The following KAT7 variants were observed in gnomAD, a reference collection of about 807,000 sequenced individuals.
The protein encoded by KAT7 is lysine acetyltransferase 7.
KAT7 carries 10 observed loss-of-function variants against 82.1 expected under a neutral mutation model. The ratio of observed to expected loss-of-function variants is 0.12; its 90% CI spans 0.08 to 0.21. The LOEUF (loss-of-function observed/expected upper bound fraction) is 0.21. Ranked by LOEUF, KAT7 falls within the 10% of genes least tolerant of loss-of-function variation. The pLI is 1.00. For missense variants in KAT7, 378 were observed against 760.9 expected (o/e 0.50, Z 5.92); for synonymous variants, 250 against 262.5 (o/e 0.95, Z 0.46).
intron 11 of KAT7, 77 bp from the exon 12 acceptor site, chr17:49,823,125 T>C (rs900521286): frequency 8.5e-6 from 7 of 827,526 alleles, no homozygotes; most frequent in African/African-American, 1.7e-5. Flanking sequence ...AGCAGCCTTA[T>C]TTTGCATCTG....
chr17:49,808,616 A>G (rs1022270368), intron 5 of KAT7, among the ~76,000 whole-genome samples: 3 of 143,192 alleles, frequency 2.1e-5, no homozygotes, highest in Non-Finnish European at 4.6e-5. Flanking sequence ...ATGCCTGGCT[A>G]ATTTTTTGTA....
intron 14 of KAT7, 76 bp from the exon 15 acceptor site, chr17:49,827,325 G>T (rs1461104819): frequency 3.5e-5 from 30 of 849,350 alleles, no homozygotes; most frequent in Admixed American, 2.0e-4. Flanking sequence ...CTTCTTGGCG[G>T]TTAGTTATTT....
chr17:49,796,073 C>T (rs1203150087), intron 2 of KAT7, among the ~76,000 whole-genome samples: 3 of 151,520 alleles, frequency 2.0e-5, no homozygotes, highest in Non-Finnish European at 2.9e-5. Flanking sequence ...TTCCTTTGTC[C>T]TCAGGTTGGA....
intron 7 of KAT7, among the ~76,000 whole-genome samples, chr17:49,812,477 G>T (rs1198741613): frequency 6.6e-6 from 1 of 151,682 alleles, no homozygotes; most frequent in Non-Finnish European, 1.5e-5. Flanking sequence ...TGCCCACCTC[G>T]GCCTCCCAAA....
intron 7 of KAT7, 41 bp downstream of exon 7, chr17:49,811,615 TATCA>T: frequency 1.9e-6 from 2 of 1,035,004 alleles, no homozygotes; most frequent in Non-Finnish European, 2.7e-6. Flanking sequence ...GAACTCCTGC[TATCA>T]CATTTGATTC....
At chr17:49,794,716 T>C (rs973102530) in intron 2 of KAT7, among the ~76,000 whole-genome samples, 1 of 152,246 alleles carries the variant, frequency 6.6e-6, no homozygotes, top group Admixed American at 6.5e-5. Context: ...TAATTGACCA[T>C]GCCCTAGACA....
At position 49,788,725 on chromosome 17, in the gene KAT7, T is replaced by C. The variant is rs1052367843; in HGVS notation, c.-110T>C. On this transcript the variant is annotated 5_prime_UTR_variant, in exon 1 of 15. Coordinates refer to ENST00000259021, the MANE Select transcript of KAT7 (RefSeq NM_007067.5). ...GAGAGGCAGGAGGCACTAGGGATCG[T>C]CCGCAGGATTGGGACTGATACAGAG... 21 of 1,217,192 alleles carry C rather than the reference T, an allele frequency of 1.7e-5. No individual in the cohort carries two copies. Among genetic ancestry groups the C allele is most frequent in the Non-Finnish European group, 2.3e-5 (20 of 884,030 alleles). 75.4% of individuals were successfully genotyped at this position (1,217,192 alleles called of 1,614,324 possible).
intron 12 of KAT7, among the ~76,000 whole-genome samples, chr17:49,825,215 A>G (rs1443137925): frequency 6.6e-6 from 1 of 152,218 alleles, no homozygotes; most frequent in Non-Finnish European, 1.5e-5. Flanking sequence ...TTTTGTATAA[A>G]TTGAATGTTA....
chr17:49,789,197 C>G (rs1336055259), intron 1 of KAT7: 2 of 216,344 alleles, frequency 9.2e-6, no homozygotes, highest in Non-Finnish European at 9.2e-6. Context: ...GGCCCCAGCG[C>G]TCTCCCACTG....
In KAT7 at chr17:49,788,845, G is replaced by A. The variant is rs778947900; in HGVS notation, c.11G>A (p.Arg4Lys). 2.5e-6 allele frequency: 4 copies of A among 1,589,650 alleles called. No homozygotes were observed. The highest frequency in any genetic ancestry group is 2.3e-5 in the East Asian group (1 of 43,112). ...CCGCAGCCGCCGGCAATGCCGCGAAGGAAGGTGAGAAACGGGAGAGGAGGG... is the reference window on the plus strand; with the variant it reads ...CCGCAGCCGCCGGCAATGCCGCGAAAGAAGGTGAGAAACGGGAGAGGAGGG... MPR[R>K]KRNAGSSSDG... Residue 4 changes from arginine to lysine, a missense_variant, in exon 1 of 15, where the codon AGG becomes AAG. By Grantham distance (26) the Arg-to-Lys change is conservative (BLOSUM62 2). Around this residue, in one of 6 missense-constraint regions of KAT7, gnomAD observed 161 missense variants for 229.6 expected, o/e 0.70. Transcript: ENST00000259021.
chr17:49,791,842 G>T, intron 1 of KAT7, 44 bp from the exon 2 acceptor site: 1 of 1,592,544 alleles, frequency 6.3e-7, no homozygotes, highest in South Asian at 1.1e-5. Context: ...CAAACTCTCA[G>T]ACCAAATGCT....
At chr17:49,806,883 G>A (rs539781321) in intron 5 of KAT7, among the ~76,000 whole-genome samples, 1 of 152,266 alleles carries the variant, frequency 6.6e-6, no homozygotes, top group South Asian at 2.1e-4. Context: ...TTTACTACTG[G>A]AACATGTGCA....
intron 9 of KAT7, among the ~76,000 whole-genome samples, chr17:49,820,747 CTTTTTTT>C (rs776024422): frequency 7.1e-5 from 7 of 99,070 alleles, no homozygotes; most frequent in South Asian, 3.1e-4. Context: ...GGCTGCTTGC[CTTTTTTT>C]TTTTTTTTTT....
intron 2 of KAT7, among the ~76,000 whole-genome samples, 190 bp from the exon 3 acceptor site, chr17:49,796,560 A>C (rs555268892): frequency 6.6e-6 from 1 of 152,332 alleles, no homozygotes; most frequent in East Asian, 1.9e-4. Context: ...ATGCTGTACT[A>C]CATTACATCT....
Position 49,792,010 on chromosome 17 carries a change from C to T in KAT7, c.140C>T (p.Ala47Val), listed in dbSNP as rs1160974119. 1.2e-6 allele frequency: 2 copies of T among 1,614,056 alleles called. No homozygotes were observed. Residue 47 changes from alanine (A) to valine (V), a missense_variant, in exon 2 of 15, where the codon GCC becomes GTC. Transcript: ENST00000259021. ...TCTGCTCGAGTCACCCGCTCCTCAGCCAGGCTAAGCCAGAGTTCTCAAGGT... is the reference window on the plus strand; with the variant it reads ...TCTGCTCGAGTCACCCGCTCCTCAGTCAGGCTAAGCCAGAGTTCTCAAGGT... ...RRSARVTRSSARLSQSSQDSS... is the reference protein window; with the variant it reads ...RRSARVTRSSVRLSQSSQDSS...
At chr17:49,794,892 A>G (rs2073935932) in intron 2 of KAT7, among the ~76,000 whole-genome samples, 1 of 152,180 alleles carries the variant, frequency 6.6e-6, no homozygotes, top group Non-Finnish European at 1.5e-5. Flanking sequence ...CATATTGTGA[A>G]AGGAGGCCCC....
chr17:49,805,455 C>G lies in KAT7; in HGVS notation c.663+10C>G. 1 of 1,593,868 alleles carries G rather than the reference C, an allele frequency of 6.3e-7. No individual in the cohort carries two copies. Among genetic ancestry groups the G allele is most frequent in the South Asian group, 1.1e-5 (1 of 90,528 alleles). ...AGCTGACGAATGCAAGGTAATTGTG[C>G]TCTCATTTATTCAACACATGCTTAT... On this transcript the variant is annotated intron_variant, in intron 5 of 14. Coordinates refer to ENST00000259021, the MANE Select transcript of KAT7 (RefSeq NM_007067.5).
rs1236199145 is a variant in KAT7, at chr17:49,829,673, GA to G, written c.*2173del. On this transcript the variant is annotated 3_prime_UTR_variant, in exon 15 of 15. Transcript: ENST00000259021. ...AGGAGGCTGGGAATTGTATGTGCTGGAATGGTTTCACTCACTGTGACCAGTA... is the reference window on the plus strand; with the variant it reads ...AGGAGGCTGGGAATTGTATGTGCTGGATGGTTTCACTCACTGTGACCAGTA... 3 of 152,226 alleles carry G rather than the reference GA, an allele frequency of 2.0e-5. No homozygotes were observed. Among genetic ancestry groups the G allele is most frequent in the Non-Finnish European group, 4.4e-5 (3 of 68,054 alleles). 9.4% of individuals were successfully genotyped at this position (152,226 alleles called of 1,614,324 possible).
At chr17:49,820,542 G>A (rs2143967217) in intron 9 of KAT7, among the ~76,000 whole-genome samples, 1 of 152,250 alleles carries the variant, frequency 6.6e-6, no homozygotes, top group Middle Eastern at 3.4e-3. Context: ...GCCTCCCAAA[G>A]TGCTGGGATT....
Sources: gnomAD v4.1 joint callset for allele counts (sites outside exome capture counted in the v4.1 genomes callset) on GRCh38, gnomAD v4.1.1 for gene constraint, gnomAD v4.1.1 regional missense constraint, MANE v1.5 for transcripts, NCBI Gene and HGNC (gene_info 2026-07-23, HGNC 2026-07-21) for gene names.